Variants in SIRPB1 observed in about 807,000 individuals in gnomAD.
SIRPB1 encodes the protein signal regulatory protein beta 1.
Under a neutral mutation model 34.1 loss-of-function variants are expected in SIRPB1, and 28 were observed. That is an observed-to-expected ratio of 0.82 (90% CI 0.61 to 1.12). The LOEUF (loss-of-function observed/expected upper bound fraction) is 1.12, where lower values mean the gene tolerates loss of function less well. Among genes scored for constraint, SIRPB1 ranks in the 50% most tolerant of loss-of-function variants. The pLI, the probability that SIRPB1 is intolerant of heterozygous loss-of-function variation, is 0.00. For missense variants in SIRPB1, 499 were observed against 507.0 expected, an observed-to-expected ratio of 0.98 and a Z score of 0.15; for synonymous variants, 211 against 203.8, an observed-to-expected ratio of 1.04 and a Z score of -0.30.
At chr20:1,573,322 G>C (rs1270344100) in intron 2 of SIRPB1, among the ~76,000 whole-genome samples, 1 of 72,610 alleles carries the variant, frequency 1.4e-5, no homozygotes, top group Admixed American at 1.6e-4. Flanking sequence ...AAAGACCCAG[G>C]CCACACCAAC....
At position 1,562,479 on chromosome 20, in the gene SIRPB1, G is replaced by A. The variant is rs1030325273; in HGVS notation, c.*3021C>T. On this transcript the variant is annotated 3_prime_UTR_variant, in exon 6 of 6. Coordinates refer to ENST00000381605, the MANE Select transcript of SIRPB1 (RefSeq NM_006065.5). ...ACGATATAACTGACATTCCATTTGC[G>A]TAACATAGATAAATACAGGCAGTTC... is the stretch of plus-strand genomic sequence containing the variant. 3.3e-5 allele frequency among the ~76,000 whole-genome samples: 5 copies of A among 149,384 alleles called. No individual in the cohort carries two copies. The highest frequency in any genetic ancestry group is 2.1e-4 in the South Asian group (1 of 4,778).
chr20:1,587,350 C>G (rs2091427612), intron 1 of SIRPB1, among the ~76,000 whole-genome samples: 1 of 49,202 alleles, frequency 2.0e-5, no homozygotes, highest in Non-Finnish European at 3.9e-5. Flanking sequence ...TTTCTGCCCT[C>G]TAGGACTTGT....
intron 4 of SIRPB1, among the ~76,000 whole-genome samples, chr20:1,567,267 T>G (rs776942608): frequency 1.1e-4 from 17 of 151,922 alleles, no homozygotes; most frequent in Non-Finnish European, 2.2e-4. Context: ...TTATTCCTTC[T>G]AAGGGGCAGC....
In SIRPB1 at chr20:1,604,469, G is replaced by T. The variant is rs1168259815; in HGVS notation, c.76+15400C>A. Among the ~76,000 whole-genome samples the T allele has an allele frequency of 6.2e-5, 3 of 48,022 alleles. 1 individual carries two copies. The East Asian group carries it at 1.8e-3, about 28-fold the overall frequency. 31.5% of individuals were successfully genotyped at this position (48,022 alleles called of 152,430 possible). A position where few individuals can be genotyped will look rare whatever the true frequency, so the allele number is the denominator to read the frequency against. ...CAAGCACATAGAGGCTTAGCTCATA[G>T]TAGGTACTCATTAACTGTGTTTGCT... is the stretch of plus-strand genomic sequence containing the variant. On this transcript the variant is annotated intron_variant, in intron 1 of 5. Transcript: ENST00000381605.
intron 1 of SIRPB1, among the ~76,000 whole-genome samples, chr20:1,611,982 C>CTTTTTG (rs1488018839): frequency 2.8e-5 from 2 of 70,988 alleles, no homozygotes; most frequent in East Asian, 1.2e-3. Flanking sequence ...CTTTTCTTTT[C>CTTTTTG]TTTTTGTTTT....
chr20:1,569,760 G>A (rs181810686), intron 4 of SIRPB1, among the ~76,000 whole-genome samples: 1 of 152,240 alleles, frequency 6.6e-6, no homozygotes, highest in East Asian at 1.9e-4. Flanking sequence ...TTGAATGTCA[G>A]CTTTAATGGC....
In SIRPB1 at chr20:1,597,853, C is replaced by T. The variant is rs1191310618; in HGVS notation, c.77-19159G>A. On this transcript the variant is annotated intron_variant, in intron 1 of 5. Transcript: ENST00000381605. The stretch of plus-strand genomic sequence containing the variant: ...AATCTGGACTGCAGTTTGTGGCTTA[C>T]GGAGAGTCCAAGACGATGGAGGAGA... 3.5e-5 allele frequency: 13 copies of T among 370,730 alleles called. 6 individuals are homozygous for T. The highest frequency in any genetic ancestry group is 2.9e-4 in the South Asian group (2 of 6,844). The allele number at this position is 370,730 out of a possible 1,614,324, so 23.0% of individuals were successfully genotyped here.
Position 1,562,387 on chromosome 20 carries a change from T to G in SIRPB1, c.*3113A>C, listed in dbSNP as rs1265388567. 6.6e-6 allele frequency among the ~76,000 whole-genome samples: 1 copy of G among 152,176 alleles called. No individual in the cohort carries two copies. Among genetic ancestry groups the G allele is most frequent in the Non-Finnish European group, 1.5e-5 (1 of 68,032 alleles). On this transcript the variant is annotated 3_prime_UTR_variant, in exon 6 of 6. Transcript: ENST00000381605. ...CACTCATTTAAAAAAATTGACAGCC[T>G]ATTATATGGCAGACACAGTTCTGGC... is the stretch of plus-strand genomic sequence containing the variant.
intron 1 of SIRPB1, among the ~76,000 whole-genome samples, chr20:1,617,402 G>T (rs2091645332): frequency 6.6e-6 from 1 of 152,152 alleles, no homozygotes; most frequent in Non-Finnish European, 1.5e-5. Context: ...AATGATCCTG[G>T]AAGATATTAT....
At chr20:1,566,576 G>A (rs1438987361) in intron 4 of SIRPB1, among the ~76,000 whole-genome samples, 2 of 152,240 alleles carry the variant, frequency 1.3e-5, no homozygotes, top group Non-Finnish European at 1.5e-5. Flanking sequence ...CGCCCATGGG[G>A]CAGGGATTAT....
intron 2 of SIRPB1, among the ~76,000 whole-genome samples, chr20:1,572,784 G>A (rs1032792014): frequency 1.3e-5 from 2 of 151,538 alleles, no homozygotes; most frequent in African/African-American, 4.8e-5. Flanking sequence ...AAGCTTTAAC[G>A]TAGAGCCAAG....
intron 2 of SIRPB1, among the ~76,000 whole-genome samples, chr20:1,576,355 A>G (rs985707366): frequency 6.8e-5 from 10 of 147,728 alleles, no homozygotes; most frequent in Admixed American, 1.3e-4. Flanking sequence ...TAGGCTTTAC[A>G]TATACACATT....
chr20:1,577,154 T>C lies in SIRPB1; in HGVS notation c.433+1184A>G, dbSNP rs1169201999. On this transcript the variant is annotated intron_variant, in intron 2 of 5. Coordinates refer to ENST00000381605, the MANE Select transcript of SIRPB1 (RefSeq NM_006065.5). Reference sequence around the variant, plus strand: ...CTTTAGTATCTGAATGTGAGGTGCATTCTTAACATTTGGGAAACTGATGAA... The same window carrying C: ...CTTTAGTATCTGAATGTGAGGTGCACTCTTAACATTTGGGAAACTGATGAA... Among the ~76,000 whole-genome samples, 2 of 148,378 alleles carry C rather than the reference T, an allele frequency of 1.3e-5. 1 individual carries two copies. The highest frequency in any genetic ancestry group is 3.0e-5 in the Non-Finnish European group (2 of 66,242).
chr20:1,571,815 C>T lies in SIRPB1; in HGVS notation c.656G>A (p.Gly219Glu). The T allele has an allele frequency of 6.2e-7, 1 of 1,614,240 alleles. No individual in the cohort carries two copies. Among genetic ancestry groups the T allele is most frequent in the Non-Finnish European group, 8.5e-7 (1 of 1,180,038 alleles). ...HSTARVVLTR[G>E]DVHSQVICEI... is the part of the protein sequence containing the mutation. ...GCAGATGACTTGAGAGTGAACGTCC[C>T]CACGGGTCAGCACCACCCTGGCTGT... Residue 219 changes from glycine to glutamate, a missense_variant, in exon 3 of 6, where the codon GGG (glycine) becomes GAG (glutamate). Physicochemically the swap from Gly to Glu is moderately conservative, Grantham distance 98 (BLOSUM62 -2). Coordinates refer to ENST00000381605, the MANE Select transcript of SIRPB1 (RefSeq NM_006065.5).
chr20:1,578,027 A>G (rs1442916284), intron 2 of SIRPB1: 3 of 416,588 alleles, frequency 7.2e-6, no homozygotes, highest in South Asian at 2.4e-5. Context: ...GTGCCTGGAC[A>G]AGTCACTCAA....
At chr20:1,569,803 T>C (rs933390833) in intron 4 of SIRPB1, among the ~76,000 whole-genome samples, 3 of 152,122 alleles carry the variant, frequency 2.0e-5, no homozygotes, top group African/African-American at 7.2e-5. Flanking sequence ...GATGGGGAAG[T>C]TGTGGGACCC....
At chr20:1,569,420 G>A (rs998409479) in intron 4 of SIRPB1, among the ~76,000 whole-genome samples, 1 of 152,232 alleles carries the variant, frequency 6.6e-6, no homozygotes, top group Non-Finnish European at 1.5e-5. Context: ...CACTGGTTTT[G>A]TGAAAAATGT....
Position 1,619,863 on chromosome 20 carries a change from G to GAGT in SIRPB1, c.76+5_76+6insACT. On this transcript the variant is annotated splice_donor_region_variant and intron_variant, in intron 1 of 5. Transcript: ENST00000381605. ...AAAAAAGATTTTAACCGAAGGCAGT[G>GAGT]CTCACCTGTGAGTCTCCCCAGCAGT... The GAGT allele has an allele frequency of 6.2e-7, 1 of 1,604,902 alleles. No individual in the cohort carries two copies. Among genetic ancestry groups the GAGT allele is most frequent in the South Asian group, 1.1e-5 (1 of 90,894 alleles).
chr20:1,613,657 T>C (rs1203684322), intron 1 of SIRPB1, among the ~76,000 whole-genome samples: 3 of 152,196 alleles, frequency 2.0e-5, no homozygotes, highest in Non-Finnish European at 4.4e-5. Context: ...AACTGGAAGA[T>C]GGTATAATTG....
Sources: allele counts gnomAD v4.1 joint callset (sites outside exome capture counted in the v4.1 genomes callset), GRCh38; gene constraint gnomAD v4.1.1; transcripts MANE v1.5; gene names NCBI Gene and HGNC (gene_info 2026-07-23, HGNC 2026-07-21).